Variants in AP2A1 observed in about 807,000 individuals in gnomAD.
AP2A1 encodes the protein adaptor related protein complex 2 subunit alpha 1, also known as AP-2 complex subunit alpha-1.
Under a neutral mutation model 107.3 loss-of-function variants are expected in AP2A1, and 21 were observed. The observed-to-expected ratio is 0.20, with a 90% CI of 0.14 to 0.28. The LOEUF is 0.28. AP2A1 is among the 10% of genes least tolerant of loss of function. The pLI, the probability that AP2A1 is intolerant of heterozygous loss-of-function variation, is 1.00. For missense variants in AP2A1, 873 were observed against 1,307.7 expected (o/e 0.67, Z 5.13); for synonymous variants, 602 against 564.8 (o/e 1.07, Z -0.93).
chr19:49,776,242 C>T (rs1412441271), intron 1 of AP2A1, among the ~76,000 whole-genome samples: 2 of 152,018 alleles, frequency 1.3e-5, no homozygotes, highest in Non-Finnish European at 2.9e-5. Flanking sequence ...TCTTTCATCA[C>T]CGTCCGCCTG....
rs748941130 is a variant in AP2A1, at chr19:49,782,050, G to A, written c.240G>A (p.Val80=). The change falls in exon 3 of 23, where the codon GTG becomes GTA. Residue 80 remains valine (V), a synonymous_variant. Transcript: ENST00000354293. ...HDIDFGHMEA[V]NLLSSNKYTE... ...TTGACTTTGGGCACATGGAGGCTGT[G>A]AATCTGTTGAGTTCCAATAAATACA... 6.3e-7 allele frequency: 1 copy of A among 1,579,586 alleles called. No homozygotes were observed. The highest frequency in any genetic ancestry group is 8.6e-7 in the Non-Finnish European group (1 of 1,162,182).
intron 22 of AP2A1, 185 bp downstream of exon 22, chr19:49,806,438 T>C: frequency 7.0e-7 from 1 of 1,435,240 alleles, no homozygotes; most frequent in Non-Finnish European, 9.1e-7. Context: ...ACCTCTGGTG[T>C]TCCTCTCCTC....
rs748596389 is a variant in AP2A1 at position 49,782,536 on chromosome 19, C to T, written c.285C>T (p.Tyr95=). ...CACGACCTCCCTCCCCACAGGGTTA[C>T]CTGTTCATTTCTGTGCTGGTGAACT... The part of the protein sequence containing the change: ...SNKYTEKQIG[Y]LFISVLVNSN... Residue 95 remains tyrosine (Y), a synonymous_variant, in exon 4 of 23, where the codon TAC becomes TAT. Coordinates refer to ENST00000354293, the MANE Select transcript of AP2A1 (RefSeq NM_130787.3). 1 of 1,613,472 alleles carries T rather than the reference C, an allele frequency of 6.2e-7. No individual in the cohort carries two copies. Among genetic ancestry groups the T allele is most frequent in the African/African-American group, 1.3e-5 (1 of 74,930 alleles).
In AP2A1 at chr19:49,803,138, G is replaced by A; in HGVS notation, c.2203G>A (p.Glu735Lys). The change falls in exon 17 of 23, where the codon GAG becomes AAG. Residue 735 changes from glutamate (E) to lysine (K), a missense_variant. By Grantham distance (56) the Glu-to-Lys change is moderately conservative. Transcript: ENST00000354293. ...FVCKNNGVLF[E>K]NQLLQIGVKS... The stretch of plus-strand genomic sequence containing the variant: ...GTGTAAGAACAACGGGGTCCTGTTC[G>A]AGAACCAGCTGCTGCAGATCGGAGT... 1 of 1,613,982 alleles carries A rather than the reference G, an allele frequency of 6.2e-7. No individual in the cohort carries two copies. Among genetic ancestry groups the A allele is most frequent in the Non-Finnish European group, 8.5e-7 (1 of 1,179,894 alleles).
rs1318340230 is a variant in AP2A1, at chr19:49,805,575, C to A, written c.2467C>A (p.Arg823=). The part of the protein sequence containing the change: ...LTPPLLSVRF[R]YGGAPQALTL... ...GCCCCCGCTGCTGTCCGTGCGCTTC[C>A]GGTGAGTCAGGTACGGCGCGGCCGG... The change falls in exon 19 of 23, where the codon CGG becomes AGG. Residue 823 remains arginine, a splice_region_variant and synonymous_variant. Coordinates refer to ENST00000354293, the MANE Select transcript of AP2A1 (RefSeq NM_130787.3). The A allele has an allele frequency of 1.9e-6, 3 of 1,575,132 alleles. No homozygotes were observed. In the African/African-American group the frequency reaches 4.0e-5, roughly 21 times the overall value.
At position 49,807,091 on chromosome 19, in the gene AP2A1, C is replaced by T. The variant is rs747975013; in HGVS notation, c.*333C>T. The T allele has an allele frequency of 4.0e-5, 55 of 1,379,732 alleles. 1 individual carries two copies. Among genetic ancestry groups the T allele is most frequent in the South Asian group, 6.8e-5 (6 of 87,670 alleles). The allele number at this position is 1,379,732 out of a possible 1,614,324, so 85.5% of individuals were successfully genotyped here. A position where few individuals can be genotyped will look rare whatever the true frequency, so the allele number is the denominator to read the frequency against. ...TCCAGGGGCTGTGTATTATTGTGAG[C>T]GAATAAACAGAGAGACGCTAACAGC... is the stretch of plus-strand genomic sequence containing the variant. On this transcript the variant is annotated 3_prime_UTR_variant, in exon 23 of 23. Coordinates refer to ENST00000354293, the MANE Select transcript of AP2A1 (RefSeq NM_130787.3).
intron 1 of AP2A1, among the ~76,000 whole-genome samples, chr19:49,771,555 C>A (rs1365124391): frequency 6.6e-6 from 1 of 151,744 alleles, no homozygotes; most frequent in African/African-American, 2.4e-5. Context: ...ATTATAGGCG[C>A]CCGCCACTAT....
intron 18 of AP2A1, chr19:49,804,383 T>C (rs1369478093): frequency 6.6e-6 from 1 of 151,610 alleles, no homozygotes; most frequent in African/African-American, 2.4e-5. Flanking sequence ...CTACTAAAAA[T>C]ACAAAAAATT....
intron 18 of AP2A1, chr19:49,805,095 T>C (rs2123765466): frequency 4.5e-6 from 1 of 219,888 alleles, no homozygotes; most frequent in South Asian, 1.6e-4. Flanking sequence ...AGATGGGGTC[T>C]TGCCATGTTG....
rs770393212 is a variant in AP2A1, at chr19:49,799,785, G to A, written c.1272+19G>A. 18 of 1,609,744 alleles carry A rather than the reference G, an allele frequency of 1.1e-5. No homozygotes were observed. Among genetic ancestry groups the A allele is most frequent in the Middle Eastern group, 1.6e-4 (1 of 6,074 alleles). On this transcript the variant is annotated intron_variant, in intron 10 of 22. Transcript: ENST00000354293. ...GGAGATCGTGAGTGCTGTGGGGTGC[G>A]GGCTGGACTCTTGGGTCTGAGGCAG... is the stretch of plus-strand genomic sequence containing the variant.
At chr19:49,802,902 CCT>C in intron 15 of AP2A1, 45 bp from the exon 16 acceptor site, 1 of 1,590,506 alleles carries the variant, frequency 6.3e-7, no homozygotes, top group Non-Finnish European at 8.6e-7. Flanking sequence ...GGCCTTTGCC[CCT>C]CCCCACCAAG....
chr19:49,779,918 G>A (rs2084656583), intron 1 of AP2A1, among the ~76,000 whole-genome samples: 1 of 152,222 alleles, frequency 6.6e-6, no homozygotes, highest in Non-Finnish European at 1.5e-5. Flanking sequence ...AATCAGAGGG[G>A]CTTCCTGGAG....
intron 1 of AP2A1, 22 bp from the exon 2 acceptor site, chr19:49,781,735 T>C: frequency 6.4e-7 from 1 of 1,573,008 alleles, no homozygotes; most frequent in Non-Finnish European, 8.6e-7. Context: ...CCTCACTGCC[T>C]ACCCTCCTCC....
Position 49,780,378 on chromosome 19 carries a change from C to A in AP2A1, c.68-1379C>A, listed in dbSNP as rs185035721. 2.2e-4 allele frequency among the ~76,000 whole-genome samples: 34 copies of A among 152,266 alleles called. No individual in the cohort carries two copies. In the East Asian group the frequency reaches 6.4e-3, roughly 29 times the overall value. On this transcript the variant is annotated intron_variant, in intron 1 of 22. Transcript: ENST00000354293. Reference sequence around the variant, plus strand: ...CGAGACCCAAATGATGGGAAGATGACAGGGGAGGGGTGGCCCCAGGAAGAG... The same window carrying A: ...CGAGACCCAAATGATGGGAAGATGAAAGGGGAGGGGTGGCCCCAGGAAGAG...
chr19:49,801,546 C>T lies in AP2A1; in HGVS notation c.1710C>T (p.Arg570=). The T allele has an allele frequency of 1.2e-6, 2 of 1,613,472 alleles. No individual in the cohort carries two copies. The highest frequency in any genetic ancestry group is 2.7e-5 in the African/African-American group (2 of 74,986). ...TCCTGCGGGCCGGCTCCCAGCTGCG[C>T]AATGCTGACGTGGAGCTGCAGCAGC... The part of the protein sequence containing the change: ...QGVLRAGSQL[R]NADVELQQRA... The change falls in exon 13 of 23, where the codon CGC becomes CGT. Residue 570 remains arginine (R), a synonymous_variant. Transcript: ENST00000354293.
chr19:49,787,354 G>GTT (rs1175245045), intron 4 of AP2A1, among the ~76,000 whole-genome samples: 35 of 94,496 alleles, frequency 3.7e-4, no homozygotes, highest in South Asian at 7.1e-4. Context: ...TTTGTTTTTT[G>GTT]TTTTTTTTTT....
Position 49,782,206 on chromosome 19 carries a change from G to A in AP2A1, c.279+117G>A, listed in dbSNP as rs1368953037. 1.3e-5 allele frequency: 10 copies of A among 754,124 alleles called. No individual in the cohort carries two copies. In the Admixed American group the frequency reaches 2.6e-4, roughly 20 times the overall value. The allele number at this position is 754,124 out of a possible 1,614,324, so 46.7% of individuals were successfully genotyped here. ...GGGGTCTAGGGGTCTGGACTCCTGG[G>A]TATGAGGGAGGAGGGGGTCTGGGGC... On this transcript the variant is annotated intron_variant, in intron 3 of 22. Coordinates refer to ENST00000354293, the MANE Select transcript of AP2A1 (RefSeq NM_130787.3).
At chr19:49,773,731 C>G (rs1568573643) in intron 1 of AP2A1, among the ~76,000 whole-genome samples, 1 of 152,142 alleles carries the variant, frequency 6.6e-6, no homozygotes, top group South Asian at 2.1e-4. Context: ...GGATGATGCT[C>G]TTATATAGGC....
At chr19:49,772,783 A>G (rs934187615) in intron 1 of AP2A1, among the ~76,000 whole-genome samples, 4 of 151,808 alleles carry the variant, frequency 2.6e-5, no homozygotes, top group African/African-American at 9.7e-5. Context: ...TACAGGCGTG[A>G]GCCACCGCGC....
Sources: gnomAD v4.1 joint callset for allele counts (sites outside exome capture counted in the v4.1 genomes callset) on GRCh38, gnomAD v4.1.1 for gene constraint, MANE v1.5 for transcripts, NCBI Gene and HGNC (gene_info 2026-07-23, HGNC 2026-07-21) for gene names.